Variants in CCDC157 observed in about 807,000 individuals in gnomAD.
CCDC157 encodes coiled-coil domain-containing protein 157.
In CCDC157, 60 loss-of-function variants were observed where a neutral mutation model predicts 70.9. The ratio of observed to expected loss-of-function variants is 0.85; its 90% confidence interval spans 0.69 to 1.05. The LOEUF (loss-of-function observed/expected upper bound fraction) is 1.05, where lower values mean the gene tolerates loss of function less well. CCDC157 is among the 50% of genes least tolerant of loss of function. CCDC157 has a pLI of 0.00. For synonymous variants in CCDC157, 373 were observed against 422.4 expected, an observed-to-expected ratio of 0.88 and a Z score of 1.43; for missense variants, 943 against 984.2, an observed-to-expected ratio of 0.96 and a Z score of 0.56.
At chr22:30,376,392 C>A in intron 11 of CCDC157, 41 bp from the exon 12 acceptor site, 1 of 1,613,548 alleles carries the variant, frequency 6.2e-7, no homozygotes, top group Non-Finnish European at 8.5e-7. Context: ...GTGGAGTGTT[C>A]CCTGCATTCA....
upstream of CCDC157, chr22:30,356,872 G>C: frequency 8.5e-7 from 1 of 1,175,818 alleles, no homozygotes; most frequent in Non-Finnish European, 1.1e-6. Flanking sequence ...CGCTCGGTCA[G>C]TACGACGAGC....
At chr22:30,357,815 C>A (rs2145841414) in intron 1 of CCDC157, among the ~76,000 whole-genome samples, 1 of 151,920 alleles carries the variant, frequency 6.6e-6, no homozygotes, top group African/African-American at 2.4e-5. Flanking sequence ...CCGCGCCCGG[C>A]CAGTTTTTAA....
intron 1 of CCDC157, among the ~76,000 whole-genome samples, chr22:30,358,328 C>T (rs1039181397): frequency 6.6e-6 from 1 of 152,190 alleles, no homozygotes; most frequent in Non-Finnish European, 1.5e-5. Flanking sequence ...TCATGTGTTA[C>T]GTCATTTATT....
Position 30,370,405 on chromosome 22 carries a change from CTACCAAGT to C in CCDC157, c.503_510del (p.Thr168AsnfsTer45), listed in dbSNP as rs768016328. 12 of 1,614,164 alleles carry C rather than the reference CTACCAAGT, an allele frequency of 7.4e-6. No homozygotes were observed. In the South Asian group the frequency reaches 1.3e-4, roughly 18 times the overall value. On this transcript the variant is annotated frameshift_variant, in exon 5 of 12. Coordinates refer to ENST00000338306, the MANE Select transcript of CCDC157 (RefSeq NM_001017437.5). LOFTEE classifies it high-confidence loss of function. ...CCAGCCAGGAGCCCTGAATATCTGA[CTACCAAGT>C]TAATCAAGCCCTCCTCCCCAGTGCT...
intron 3 of CCDC157, chr22:30,366,812 CTT>C (rs1244329311): frequency 1.8e-5 from 3 of 168,720 alleles, no homozygotes; most frequent in African/African-American, 7.2e-5. Context: ...AATCTCATCA[CTT>C]TGGGAGGCCA....
chr22:30,371,156 A>G, intron 5 of CCDC157: 1 of 649,664 alleles, frequency 1.5e-6, no homozygotes, highest in South Asian at 2.0e-5. Context: ...CACTGGGGCC[A>G]CCAGGAGCTG....
intron 2 of CCDC157, among the ~76,000 whole-genome samples, chr22:30,362,375 G>A (rs1442558876): frequency 6.6e-6 from 1 of 152,220 alleles, no homozygotes; most frequent in Non-Finnish European, 1.5e-5. Flanking sequence ...ACCTCGCCCG[G>A]CCTGGGGCCC....
rs751666747 is a variant in CCDC157 at position 30,366,075 on chromosome 22, C to T, written c.75C>T (p.Ile25=). ...ACCTCACCGACCTGCAGGGTGCCAT[C>T]GTAGACGTCTTCTCCCGCGCCGGGC... ...RTDLTDLQGA[I]VDVFSRAGPV... is the part of the protein sequence containing the mutation. Residue 25 remains isoleucine (I), a synonymous_variant, in exon 3 of 12, where the codon ATC becomes ATT. Transcript: ENST00000338306. The T allele has an allele frequency of 5.6e-6, 9 of 1,609,906 alleles. No homozygotes were observed. Among genetic ancestry groups the T allele is most frequent in the South Asian group, 1.1e-5 (1 of 91,084 alleles).
In CCDC157 at chr22:30,373,615, C is replaced by G; in HGVS notation, c.1354C>G (p.Arg452Gly). ...TGCTTAGTCTCTGCAGGCCAAGCAG[C>G]GAGCCCTGCTAAAGCAGCTGGACAG... ...RHQESLQAKQ[R>G]ALLKQLDSLD... The change falls in exon 8 of 12, where the codon CGA becomes GGA. Residue 452 changes from arginine to glycine, a missense_variant. Coordinates refer to ENST00000338306, the MANE Select transcript of CCDC157 (RefSeq NM_001017437.5). 6.4e-7 allele frequency: 1 copy of G among 1,555,186 alleles called. No individual in the cohort carries two copies. Among genetic ancestry groups the G allele is most frequent in the Non-Finnish European group, 8.7e-7 (1 of 1,149,140 alleles).
intron 10 of CCDC157, chr22:30,375,957 G>A: frequency 3.7e-6 from 2 of 537,996 alleles, no homozygotes; most frequent in Non-Finnish European, 6.5e-6. Context: ...AGAGGCTGAG[G>A]CGGGCAGATC....
chr22:30,375,559 G>C lies in CCDC157; in HGVS notation c.1753G>C (p.Val585Leu), dbSNP rs1933290082. 3.1e-6 allele frequency: 5 copies of C among 1,614,206 alleles called. No individual in the cohort carries two copies. The highest frequency in any genetic ancestry group is 3.4e-6 in the Non-Finnish European group (4 of 1,180,042). ...CGTCACAGATCACATGGAGAGGCAAGTGCAGTCCAACGACATCCGCATCCG... is the reference window on the plus strand; with the variant it reads ...CGTCACAGATCACATGGAGAGGCAACTGCAGTCCAACGACATCCGCATCCG... The part of the protein sequence containing the change: ...GNVTDHMERQ[V>L]QSNDIRIRVL... The change falls in exon 10 of 12, where the codon GTG (valine) becomes CTG (leucine). Residue 585 changes from valine (V) to leucine (L), a missense_variant. Physicochemically the swap from Val to Leu is conservative, Grantham distance 32. Transcript: ENST00000338306.
In CCDC157 at chr22:30,357,411, T is replaced by C. The variant is rs574664532; in HGVS notation, c.-166+279T>C. Among the ~76,000 whole-genome samples, 6 of 152,350 alleles carry C rather than the reference T, an allele frequency of 3.9e-5. No individual in the cohort carries two copies. The East Asian group carries it at 9.6e-4, about 24-fold the overall frequency. On this transcript the variant is annotated intron_variant, in intron 1 of 11. Transcript: ENST00000338306. ...ATTCGCTTTTCCCACGGAACCTGCC[T>C]TTTCTTGCTTCCATCCCCTGCCTTC...
intron 4 of CCDC157, 32 bp downstream of exon 4, chr22:30,369,635 G>C (rs1171278096): frequency 4.8e-6 from 7 of 1,453,406 alleles, no homozygotes; most frequent in Non-Finnish European, 5.4e-6. Flanking sequence ...AGGTGGGTCA[G>C]CCTCAGCCTC....
chr22:30,372,313 G>T, intron 7 of CCDC157, 27 bp downstream of exon 7: 2 of 1,503,620 alleles, frequency 1.3e-6, no homozygotes, highest in Non-Finnish European at 1.8e-6. Flanking sequence ...CGCTAGCCTG[G>T]GCATCTGCAA....
intron 3 of CCDC157, 63 bp from the exon 4 acceptor site, chr22:30,369,369 G>A (rs969331191): frequency 1.1e-5 from 15 of 1,349,042 alleles, no homozygotes; most frequent in East Asian, 2.8e-5. Flanking sequence ...AGCTGCGGTT[G>A]TATGGTCTGA....
At chr22:30,356,989 A>T (rs1479635742), upstream of CCDC157, 5 of 455,694 alleles carry the variant, frequency 1.1e-5, no homozygotes, top group East Asian at 1.8e-4. Context: ...CCCCGCGGGC[A>T]CCGCGGCGTC....
intron 5 of CCDC157, 167 bp downstream of exon 5, chr22:30,371,117 A>C (rs930471873): frequency 1.2e-6 from 1 of 813,250 alleles, no homozygotes; most frequent in Admixed American, 2.8e-5. Flanking sequence ...GGGGGTGTTC[A>C]TCCGGTGGTG....
intron 4 of CCDC157, 86 bp from the exon 5 acceptor site, chr22:30,370,240 T>C (rs1025897587): frequency 2.7e-5 from 39 of 1,458,906 alleles, no homozygotes; most frequent in Non-Finnish European, 2.9e-5. Flanking sequence ...GCTGTCACAC[T>C]GTCACAGAAC....
In CCDC157 at chr22:30,372,315, C is replaced by T. The variant is rs139292186; in HGVS notation, c.1335+29C>T. ...AGGCCAGGGCCCTCGCTAGCCTGGG[C>T]ATCTGCAATGTAGGCTGCAGGGAAA... On this transcript the variant is annotated intron_variant, in intron 7 of 11. Transcript: ENST00000338306. The T allele has an allele frequency of 4.6e-4, 691 of 1,499,948 alleles. 1 individual carries two copies. In the African/African-American group the frequency reaches 8.3e-3, roughly 18 times the overall value. 92.9% of individuals were successfully genotyped at this position (1,499,948 alleles called of 1,614,324 possible). A position where few individuals can be genotyped will look rare whatever the true frequency, so the allele number is the denominator to read the frequency against.
Sources: allele counts gnomAD v4.1 joint callset (sites outside exome capture counted in the v4.1 genomes callset), GRCh38; gene constraint gnomAD v4.1.1; transcripts MANE v1.5; gene names NCBI Gene and HGNC (gene_info 2026-07-23, HGNC 2026-07-21).